Variants in HAAO observed in about 807,000 individuals in gnomAD.
HAAO encodes 3-hydroxyanthranilate 3,4-dioxygenase.
Under a neutral mutation model 46.2 loss-of-function variants are expected in HAAO, and 49 were observed. The ratio of observed to expected loss-of-function variants is 1.06; its 90% CI spans 0.84 to 1.34. The LOEUF (loss-of-function observed/expected upper bound fraction) is 1.34, where lower values mean the gene tolerates loss of function less well. Ranked by LOEUF, HAAO falls within the 40% of genes most tolerant of loss-of-function variation. The probability of loss-of-function intolerance (pLI) is 0.00; values close to 1 mark genes in which losing one functional copy is unlikely to be tolerated. For synonymous variants in HAAO, 157 were observed against 145.2 expected (o/e 1.08, Z -0.58); for missense variants, 408 against 364.5 (o/e 1.12, Z -0.97).
chr2:42,789,237 C>G (rs1340474742), intron 1 of HAAO: 2 of 153,350 alleles, frequency 1.3e-5, no homozygotes, highest in Non-Finnish European at 2.9e-5. Context: ...TTTGGAAGCT[C>G]TCAGAATGGT....
chr2:42,770,831 T>A (rs1005833724), intron 4 of HAAO, among the ~76,000 whole-genome samples: 11 of 152,032 alleles, frequency 7.2e-5, no homozygotes, highest in African/African-American at 2.7e-4. Context: ...AGACCCAAAC[T>A]GGTTCCCAAA....
chr2:42,784,024 C>T (rs1287426701), intron 2 of HAAO, 157 bp from the exon 3 acceptor site: 1 of 892,266 alleles, frequency 1.1e-6, no homozygotes, highest in Non-Finnish European at 1.3e-6. Context: ...AGGCCTGTCT[C>T]CCCGGTGCAT....
At chr2:42,783,759 C>T (rs375685410) in intron 3 of HAAO, 25 bp downstream of exon 3, 7 of 1,596,668 alleles carry the variant, frequency 4.4e-6, no homozygotes, top group Non-Finnish European at 5.1e-6. Context: ...TTTCTCTTCC[C>T]CACCCTGCTG....
intron 4 of HAAO, among the ~76,000 whole-genome samples, chr2:42,773,974 G>T (rs1671351446): frequency 6.6e-6 from 1 of 152,284 alleles, no homozygotes; most frequent in African/African-American, 2.4e-5. Context: ...AGACTAATCG[G>T]AAACTCAAAA....
At chr2:42,767,981 T>C (rs932466829) in intron 7 of HAAO, 53 bp from the exon 8 acceptor site, 78 of 1,530,024 alleles carry the variant, frequency 5.1e-5, no homozygotes, top group Non-Finnish European at 6.8e-5. Context: ...ACATGGGAGA[T>C]GGTCTTGAAC....
intron 4 of HAAO, among the ~76,000 whole-genome samples, chr2:42,782,106 C>G (rs557359660): frequency 2.0e-5 from 3 of 152,292 alleles, no homozygotes; most frequent in East Asian, 1.9e-4. Flanking sequence ...TTCTTGACTA[C>G]AAGTCTTCAA....
chr2:42,769,648 A>C, intron 7 of HAAO, 65 bp downstream of exon 7: 7 of 1,403,578 alleles, frequency 5.0e-6, no homozygotes, highest in Non-Finnish European at 6.9e-6. Context: ...AGTGAGAGAG[A>C]GACTGGTTCC....
In HAAO at chr2:42,767,323, G is replaced by A. The variant is rs766256498; in HGVS notation, c.*114C>T. ...GTGACAACAATGTGCAGGTCTGTGG[G>A]GGACACAGCGGCAGTACACAGAGAG... On this transcript the variant is annotated 3_prime_UTR_variant, in exon 10 of 10. Transcript: ENST00000294973. The A allele has an allele frequency of 8.3e-5, 62 of 749,286 alleles. No homozygotes were observed. The highest frequency in any genetic ancestry group is 5.0e-4 in the South Asian group (33 of 66,618). The allele number at this position is 749,286 out of a possible 1,614,324, so 46.4% of individuals were successfully genotyped here. A position where few individuals can be genotyped will look rare whatever the true frequency, so the allele number is the denominator to read the frequency against.
In HAAO at chr2:42,770,202, G is replaced by C. The variant is rs1186520643; in HGVS notation, c.441-16C>G. On this transcript the variant is annotated splice_polypyrimidine_tract_variant and intron_variant, in intron 5 of 9. Coordinates refer to ENST00000294973, the MANE Select transcript of HAAO (RefSeq NM_012205.3). Reference sequence around the variant, plus strand: ...GCTGAAGAACCTGCAAGGACGAACAGGGAGGAGCAGGAGTGGCGAGCACTC... The same window carrying C: ...GCTGAAGAACCTGCAAGGACGAACACGGAGGAGCAGGAGTGGCGAGCACTC... 1.3e-6 allele frequency: 2 copies of C among 1,590,316 alleles called. No homozygotes were observed. The highest frequency in any genetic ancestry group is 1.7e-6 in the Non-Finnish European group (2 of 1,166,668).
intron 6 of HAAO, 72 bp downstream of exon 6, chr2:42,770,071 C>T (rs1670989757): frequency 2.8e-6 from 4 of 1,445,150 alleles, no homozygotes; most frequent in Admixed American, 1.8e-5. Flanking sequence ...CTCCCCGGTC[C>T]CCTGGACCAA....
chr2:42,769,637 C>T, intron 7 of HAAO, 76 bp downstream of exon 7: 3 of 1,127,524 alleles, frequency 2.7e-6, no homozygotes, highest in Non-Finnish European at 2.6e-6. Flanking sequence ...GAGAGAGAGG[C>T]AGTGAGAGAG....
At chr2:42,785,618 A>C (rs1254813929) in intron 2 of HAAO, among the ~76,000 whole-genome samples, 1 of 152,188 alleles carries the variant, frequency 6.6e-6, no homozygotes, top group African/African-American at 2.4e-5. Flanking sequence ...CTGTAATCCT[A>C]GCACTTTGGG....
chr2:42,787,759 G>A (rs997727748), intron 2 of HAAO, among the ~76,000 whole-genome samples: 1 of 152,198 alleles, frequency 6.6e-6, no homozygotes, highest in African/African-American at 2.4e-5. Flanking sequence ...GGCTCCCTGA[G>A]AGGATGGGGA....
intron 7 of HAAO, 94 bp downstream of exon 7, chr2:42,769,617 GAA>G (rs1670945388): frequency 7.0e-6 from 6 of 852,446 alleles, no homozygotes; most frequent in East Asian, 2.8e-5. Context: ...GTGTGTGTGT[GAA>G]AGAGAGAGAG....
chr2:42,780,226 T>TTTTG lies in HAAO; in HGVS notation c.350+3087_350+3088insCAAA, dbSNP rs1553410533. ...TTTTTTTTTAATTTTTTTTTTTTTT[T>TTTTG]AAGATGGAGTCTCGCTCTGTTGCCA... is the stretch of plus-strand genomic sequence containing the variant. On this transcript the variant is annotated intron_variant, in intron 4 of 9. Coordinates refer to ENST00000294973, the MANE Select transcript of HAAO (RefSeq NM_012205.3). Among the ~76,000 whole-genome samples the TTTTG allele has an allele frequency of 2.7e-5, 4 of 150,854 alleles. No individual in the cohort carries two copies. The South Asian group carries it at 8.4e-4, about 32-fold the overall frequency.
rs1430094613 is a variant in HAAO at position 42,792,579 on chromosome 2, C to T, written c.-43G>A. On this transcript the variant is annotated 5_prime_UTR_variant, in exon 1 of 10. Transcript: ENST00000294973. ...CCTCGCAGCGCTGTCCTCCCGCCGT[C>T]GGAGGCCCGCAGCTCCGCCCAGCCG... The T allele has an allele frequency of 2.1e-6, 3 of 1,410,358 alleles. No homozygotes were observed. The highest frequency in any genetic ancestry group is 2.1e-4 in the Middle Eastern group (1 of 4,816). 87.4% of individuals were successfully genotyped at this position (1,410,358 alleles called of 1,614,324 possible). A position where few individuals can be genotyped will look rare whatever the true frequency, so the allele number is the denominator to read the frequency against.
chr2:42,772,353 T>C (rs1180741668), intron 4 of HAAO, among the ~76,000 whole-genome samples: 2 of 151,620 alleles, frequency 1.3e-5, no homozygotes, highest in African/African-American at 4.9e-5. Context: ...TGGTGGTGCA[T>C]GTCTGTAATC....
chr2:42,774,538 C>T (rs1320306430), intron 4 of HAAO, among the ~76,000 whole-genome samples: 6 of 152,126 alleles, frequency 3.9e-5, no homozygotes, highest in Non-Finnish European at 7.4e-5. Flanking sequence ...TTTCCTGCTT[C>T]CATGACAATG....
intron 4 of HAAO, among the ~76,000 whole-genome samples, chr2:42,773,771 A>T (rs750125253): frequency 1.3e-5 from 2 of 152,252 alleles, no homozygotes; most frequent in South Asian, 2.1e-4. Context: ...TATTTTTAGT[A>T]GAAATGGGGT....
Sources: gnomAD v4.1 joint callset for allele counts (sites outside exome capture counted in the v4.1 genomes callset) on GRCh38, gnomAD v4.1.1 for gene constraint, MANE v1.5 for transcripts, NCBI Gene and HGNC (gene_info 2026-07-23, HGNC 2026-07-21) for gene names.